The following RHCE variants were observed in gnomAD, a reference collection of about 807,000 sequenced individuals.
RHCE encodes the protein Rh blood group CcEe antigens.
In RHCE, 22 loss-of-function variants were observed where a neutral mutation model predicts 43.8. The ratio of observed to expected loss-of-function variants is 0.50; its 90% CI spans 0.36 to 0.72. The LOEUF (loss-of-function observed/expected upper bound fraction) is 0.72, where lower values mean the gene tolerates loss of function less well. RHCE is among the 30% of genes least tolerant of loss of function. The pLI is 0.00. For missense variants in RHCE, 385 were observed against 525.4 expected, an observed-to-expected ratio of 0.73 and a Z score of 2.61; for synonymous variants, 156 against 210.7, an observed-to-expected ratio of 0.74 and a Z score of 2.25.
chr1:25,404,169 CAAAAAAA>C (rs3079571), intron 2 of RHCE, among the ~76,000 whole-genome samples: 3 of 90,984 alleles, frequency 3.3e-5, no homozygotes, highest in Non-Finnish European at 6.3e-5. Context: ...CTCTGTCTCA[CAAAAAAA>C]AAAAAAAAAA....
chr1:25,378,787 T>C (rs1287082848), intron 7 of RHCE, among the ~76,000 whole-genome samples: 2 of 152,224 alleles, frequency 1.3e-5, no homozygotes, highest in African/African-American at 2.4e-5. Flanking sequence ...GCAAGACGTG[T>C]TCTGCCTCTT....
Position 25,403,947 on chromosome 1 carries a change from C to T in RHCE, c.336-1201G>A, listed in dbSNP as rs1438441428. The stretch of plus-strand genomic sequence containing the variant: ...CTTTGGGAGGCCAAGGCAGGTGGAT[C>T]ACTTGAGGCCAGGGGTTCAAGAGTG... On this transcript the variant is annotated intron_variant, in intron 2 of 9. Transcript: ENST00000294413. 2.0e-5 allele frequency among the ~76,000 whole-genome samples: 3 copies of T among 151,556 alleles called. 1 individual carries two copies. Among genetic ancestry groups the T allele is most frequent in the Non-Finnish European group, 4.4e-5 (3 of 67,950 alleles).
In RHCE at chr1:25,375,331, AG is replaced by A. The variant is rs1250480264; in HGVS notation, c.1153+17del. 6.2e-7 allele frequency: 1 copy of A among 1,613,880 alleles called. No individual in the cohort carries two copies. The highest frequency in any genetic ancestry group is 1.3e-5 in the African/African-American group (1 of 74,922). On this transcript the variant is annotated intron_variant, in intron 8 of 9. Transcript: ENST00000294413. ...CTGTGTCCTGGCAATGGTGGAAGAA[AG>A]GTGGCCTCACACTGACCTGTCAGGA... is the stretch of plus-strand genomic sequence containing the variant.
At chr1:25,371,848 G>T (rs1466743204) in intron 8 of RHCE, among the ~76,000 whole-genome samples, 2 of 151,396 alleles carry the variant, frequency 1.3e-5, no homozygotes, top group African/African-American at 4.9e-5. Context: ...TTCCAGTGTC[G>T]TTAACAAGAA....
At chr1:25,377,284 C>T (rs533390594) in intron 7 of RHCE, among the ~76,000 whole-genome samples, 2 of 151,820 alleles carry the variant, frequency 1.3e-5, no homozygotes, top group South Asian at 2.1e-4. Context: ...CTTGCTGTGT[C>T]ACCAGGCTGG....
At chr1:25,411,719 T>C (rs1647085373) in intron 1 of RHCE, among the ~76,000 whole-genome samples, 1 of 152,160 alleles carries the variant, frequency 6.6e-6, no homozygotes. Flanking sequence ...GGACATTTTC[T>C]ACAGGGGTTC....
intron 7 of RHCE, among the ~76,000 whole-genome samples, chr1:25,376,299 A>G (rs2124340970): frequency 6.6e-6 from 1 of 152,224 alleles, no homozygotes; most frequent in African/African-American, 2.4e-5. Context: ...GCTGAATGTG[A>G]TTGTCCCAGG....
chr1:25,416,820 G>GGGC (rs1553161329), intron 1 of RHCE, among the ~76,000 whole-genome samples: 4 of 27,644 alleles, frequency 1.4e-4, no homozygotes, highest in African/African-American at 1.4e-3. Flanking sequence ...TAGAGATGGC[G>GGGC]GGGGGGGGTC....
In RHCE at chr1:25,385,702, G is replaced by C. The variant is rs1399062182; in HGVS notation, c.1073+9C>G. 1.9e-6 allele frequency: 3 copies of C among 1,613,910 alleles called. No homozygotes were observed. The highest frequency in any genetic ancestry group is 2.5e-6 in the Non-Finnish European group (3 of 1,180,004). On this transcript the variant is annotated intron_variant, in intron 7 of 9. Coordinates refer to ENST00000294413, the MANE Select transcript of RHCE (RefSeq NM_020485.8). ...GTTAAGGGGATGGGGGGTAAGCCCAGTGACCCACATGCCATTGCCGTTCCA... is the reference window on the plus strand; with the variant it reads ...GTTAAGGGGATGGGGGGTAAGCCCACTGACCCACATGCCATTGCCGTTCCA...
intron 7 of RHCE, among the ~76,000 whole-genome samples, chr1:25,378,758 C>T (rs767043938): frequency 3.9e-5 from 6 of 152,224 alleles, no homozygotes; most frequent in African/African-American, 1.2e-4. Flanking sequence ...CCCTGGATGA[C>T]ACAGTTTTGT....
At chr1:25,389,288 G>A (rs144305645) in intron 5 of RHCE, among the ~76,000 whole-genome samples, 175 bp from the exon 6 acceptor site, 5,702 of 150,366 alleles carry the variant, frequency 0.038, 360 homozygotes, top group African/African-American at 0.13. Context: ...AGTGGACACG[G>A]TGGGCCAGCT....
chr1:25,387,819 TA>T (rs1265665809), intron 6 of RHCE, among the ~76,000 whole-genome samples: 8 of 152,070 alleles, frequency 5.3e-5, no homozygotes, highest in Admixed American at 4.6e-4. Flanking sequence ...ACTCTGTATA[TA>T]AAACACTTTT....
chr1:25,408,096 T>C (rs554099839), intron 2 of RHCE, among the ~76,000 whole-genome samples: 8 of 122,486 alleles, frequency 6.5e-5, no homozygotes, highest in African/African-American at 1.8e-4. Flanking sequence ...GAGACTAGCC[T>C]GACCAACACA....
At chr1:25,391,386 C>A (rs1336300859) in intron 4 of RHCE, among the ~76,000 whole-genome samples, 1 of 151,988 alleles carries the variant, frequency 6.6e-6, no homozygotes, top group Non-Finnish European at 1.5e-5. Flanking sequence ...GGGGTTTCGC[C>A]CTGTTGGCCA....
chr1:25,372,939 G>A (rs1557598824), intron 8 of RHCE, among the ~76,000 whole-genome samples: 1 of 151,510 alleles, frequency 6.6e-6, no homozygotes, highest in Non-Finnish European at 1.5e-5. Flanking sequence ...GGAGCAGCTG[G>A]GACTACAGGT....
intron 1 of RHCE, among the ~76,000 whole-genome samples, chr1:25,416,626 T>A (rs1647479289): frequency 6.6e-6 from 1 of 150,814 alleles, no homozygotes; most frequent in Non-Finnish European, 1.5e-5. Context: ...AATATTTTCA[T>A]TTTTTTTTGA....
At chr1:25,418,768 C>T (rs2042675603) in intron 1 of RHCE, among the ~76,000 whole-genome samples, 1 of 152,234 alleles carries the variant, frequency 6.6e-6, no homozygotes, top group South Asian at 2.1e-4. Context: ...TGGGCAGGCA[C>T]CTCCCTCCAG....
chr1:25,374,325 TG>T (rs1557600129), intron 8 of RHCE, among the ~76,000 whole-genome samples: 1 of 151,980 alleles, frequency 6.6e-6, no homozygotes, highest in Non-Finnish European at 1.5e-5. Flanking sequence ...TGACCTCAGA[TG>T]ATCTGCCCAC....
At chr1:25,402,833 C>A in intron 2 of RHCE, 87 bp from the exon 3 acceptor site, 1 of 1,557,060 alleles carries the variant, frequency 6.4e-7, no homozygotes, top group South Asian at 1.1e-5. Flanking sequence ...TCAACAAACA[C>A]TGTTGGGCAC....
Sources: gnomAD v4.1 joint callset for allele counts (sites outside exome capture counted in the v4.1 genomes callset) on GRCh38, gnomAD v4.1.1 for gene constraint, MANE v1.5 for transcripts, NCBI Gene and HGNC (gene_info 2026-07-23, HGNC 2026-07-21) for gene names.